EPHB6: variants seen among roughly 807,000 people sequenced by gnomAD.
EPHB6 encodes the protein ephrin type-B receptor 6.
EPHB6 carries 51 observed loss-of-function variants against 107.0 expected under a neutral mutation model. The ratio of observed to expected loss-of-function variants is 0.48; its 90% CI spans 0.38 to 0.60. EPHB6 has a LOEUF of 0.60. EPHB6 is among the 20% of genes least tolerant of loss of function. The pLI is 0.00. For missense variants in EPHB6, 1,141 were observed against 1,355.5 expected, an observed-to-expected ratio of 0.84 and a Z score of 2.48; for synonymous variants, 553 against 549.0, an observed-to-expected ratio of 1.01 and a Z score of -0.10.
At chr7:142,857,251 A>G (rs151184631) in intron 1 of EPHB6, among the ~76,000 whole-genome samples, 111 of 152,320 alleles carry the variant, frequency 7.3e-4, no homozygotes, top group African/African-American at 2.6e-3. Flanking sequence ...CCAGGGACAC[A>G]GGACTGTCCT....
At position 142,866,108 on chromosome 7, in the gene EPHB6, C is replaced by T. The variant is rs756678148; in HGVS notation, c.1254C>T (p.Ala418=). The T allele has an allele frequency of 6.2e-7, 1 of 1,612,800 alleles. No individual in the cohort carries two copies. Among genetic ancestry groups the T allele is most frequent in the Non-Finnish European group, 8.5e-7 (1 of 1,179,308 alleles). ...CKECEGRQEP[A]SGGGGTCHRC... ...AGTGTGAAGGCCGCCAGGAACCTGC[C>T]AGCGGTGGTGGGGGCACTTGTCACC... The change falls in exon 9 of 20, where the codon GCC becomes GCT. Residue 418 remains alanine, a synonymous_variant. Transcript: ENST00000652003. The surrounding 1 kb of genome is among the most constrained non-coding windows in gnomAD (Gnocchi z 5.2).
At position 142,865,555 on chromosome 7, in the gene EPHB6, C is replaced by G. The variant is rs1310822200; in HGVS notation, c.1030C>G (p.Pro344Ala). 2 of 1,613,710 alleles carry G rather than the reference C, an allele frequency of 1.2e-6. No individual in the cohort carries two copies. Among genetic ancestry groups the G allele is most frequent in the Non-Finnish European group, 1.7e-6 (2 of 1,180,008 alleles). ...CCCTGCCCGCAGTCACGCTCCCAAC[C>G]CAGCAGCCCCCGTTTGCCCCTGCCT... ...PCPARSHAPN[P>A]AAPVCPCLEG... The change falls in exon 8 of 20, where the codon CCA becomes GCA. Residue 344 changes from proline to alanine, a missense_variant. Physicochemically the swap from Pro to Ala is conservative, Grantham distance 27. Transcript: ENST00000652003.
At position 142,869,932 on chromosome 7, in the gene EPHB6, G is replaced by C. The variant is rs758599943; in HGVS notation, c.2576G>C (p.Gly859Ala). The C allele has an allele frequency of 2.5e-6, 4 of 1,614,052 alleles. No homozygotes were observed. In the African/African-American group the frequency reaches 5.3e-5, roughly 22 times the overall value. Residue 859 changes from glycine to alanine, a missense_variant, in exon 17 of 20, where the codon GGA becomes GCA. By Grantham distance (60) the Gly-to-Ala change is moderately conservative (BLOSUM62 0). Around this residue, in one of 3 missense-constraint regions of EPHB6, gnomAD observed 616 missense variants for 759.3 expected, o/e 0.81. Transcript: ENST00000652003. This position sits in a 1 kb window ranked among gnomAD's most constrained non-coding sequence, Gnocchi z 4.5. ...CTCATGTGGGAAGTGATGAGTTATG[G>C]AGAACGGCCTTACTGGGACATGAGT... The part of the protein sequence containing the change: ...GILMWEVMSY[G>A]ERPYWDMSEQ...
At position 142,864,624 on chromosome 7, in the gene EPHB6, G is replaced by C. The variant is rs767517856; in HGVS notation, c.824G>C (p.Gly275Ala). ...AHAEPEEDGV[G>A]GQAGGSPPRL... ...GCAGAGCCAGAGGAGGATGGAGTAG[G>C]GGGCCAGGCAGGAGGCAGCCCCCCC... The change falls in exon 7 of 20, where the codon GGG becomes GCG. Residue 275 changes from glycine (G) to alanine (A), a missense_variant. Around this residue, in one of 3 missense-constraint regions of EPHB6, gnomAD observed 304 missense variants for 295.7 expected, o/e 1.03. Transcript: ENST00000652003. 3.7e-6 allele frequency: 6 copies of C among 1,612,456 alleles called. No individual in the cohort carries two copies. The highest frequency in any genetic ancestry group is 5.1e-6 in the Non-Finnish European group (6 of 1,179,544).
chr7:142,870,247 C>T lies in EPHB6; in HGVS notation c.2644C>T (p.Pro882Ser), dbSNP rs1383336416. ...TGCAATAGAGCAGGAGTTCCGGCTG[C>T]CCCCGCCTCCAGGCTGTCCTCCTGG... is the stretch of plus-strand genomic sequence containing the variant. ...LNAIEQEFRL[P>S]PPPGCPPGLH... The change falls in exon 18 of 20, where the codon CCC becomes TCC. Residue 882 changes from proline to serine, a missense_variant. By Grantham distance (74) the Pro-to-Ser change is moderately conservative. Coordinates refer to ENST00000652003, the MANE Select transcript of EPHB6 (RefSeq NM_004445.6). 3.1e-6 allele frequency: 5 copies of T among 1,614,210 alleles called. No homozygotes were observed. The highest frequency in any genetic ancestry group is 4.5e-5 in the East Asian group (2 of 44,882).
At position 142,868,678 on chromosome 7, in the gene EPHB6, G is replaced by A. The variant is rs371627841; in HGVS notation, c.2225G>A (p.Ser742Asn). 96 of 1,613,856 alleles carry A rather than the reference G, an allele frequency of 5.9e-5. No individual in the cohort carries two copies. Among genetic ancestry groups the A allele is most frequent in the Non-Finnish European group, 7.8e-5 (92 of 1,180,036 alleles). Residue 742 changes from serine to asparagine, a missense_variant, in exon 15 of 20, where the codon AGC (serine) becomes AAC (asparagine). Physicochemically the swap from Ser to Asn is conservative, Grantham distance 46 (BLOSUM62 1). Coordinates refer to ENST00000652003, the MANE Select transcript of EPHB6 (RefSeq NM_004445.6). This position sits in a 1 kb window ranked among gnomAD's most constrained non-coding sequence, Gnocchi z 4.2. ...CGGCTGGAGGGCGTGGTCACCAAGA[G>A]CCGACCCCTCATGGTGCTGACGGAG... ...ILRLEGVVTK[S>N]RPLMVLTEFM... is the part of the protein sequence containing the mutation.
chr7:142,870,712 C>G, intron 19 of EPHB6, 27 bp downstream of exon 19: 1 of 1,614,108 alleles, frequency 6.2e-7, no homozygotes, highest in Non-Finnish European at 8.5e-7. Flanking sequence ...GGGGTGGGGG[C>G]GAATGCTCCA....
rs1181948765 is a variant in EPHB6 at position 142,866,313 on chromosome 7, G to A, written c.1459G>A (p.Glu487Lys). 1.9e-6 allele frequency: 3 copies of A among 1,613,792 alleles called. No individual in the cohort carries two copies. Among genetic ancestry groups the A allele is most frequent in the Admixed American group, 3.3e-5 (2 of 59,998 alleles). Residue 487 changes from glutamate (E) to lysine (K), a missense_variant, in exon 9 of 20, where the codon GAA becomes AAA. Transcript: ENST00000652003. This position sits in a 1 kb window ranked among gnomAD's most constrained non-coding sequence, Gnocchi z 5.2. ...AAAINVSTSH[E>K]VPSAVPVVHQ... ...AGCCATCAATGTCAGCACCAGCCAT[G>A]AAGGTGAGCTCTTTTCCTTGGCCTT...
intron 3 of EPHB6, among the ~76,000 whole-genome samples, chr7:142,862,430 C>T (rs1802884206): frequency 6.6e-6 from 1 of 152,228 alleles, no homozygotes; most frequent in South Asian, 2.1e-4. Flanking sequence ...ACATGCACCC[C>T]TTGGGGCACG....
rs1210933595 is a variant in EPHB6 at position 142,867,427 on chromosome 7, G to C, written c.1751-181G>C. On this transcript the variant is annotated intron_variant, in intron 11 of 19. Transcript: ENST00000652003. The surrounding 1 kb of genome is among the most constrained non-coding windows in gnomAD (Gnocchi z 5.3). Reference sequence around the variant, plus strand: ...GTGTGTGTGTTGTGTGTCCCTGTGTGTGGATGTGGGAGGGCTGTGGGCGTG... The same window carrying C: ...GTGTGTGTGTTGTGTGTCCCTGTGTCTGGATGTGGGAGGGCTGTGGGCGTG... The C allele has an allele frequency of 8.9e-6, 6 of 677,776 alleles. No homozygotes were observed. Among genetic ancestry groups the C allele is most frequent in the Non-Finnish European group, 1.6e-5 (6 of 372,916 alleles). 42.0% of individuals were successfully genotyped at this position (677,776 alleles called of 1,614,324 possible). A position where few individuals can be genotyped will look rare whatever the true frequency, so the allele number is the denominator to read the frequency against.
At chr7:142,863,534 G>T (rs543808709) in intron 5 of EPHB6, 97 bp from the exon 6 acceptor site, 9 of 1,451,794 alleles carry the variant, frequency 6.2e-6, no homozygotes, top group East Asian at 4.5e-5. Flanking sequence ...ACATGGGCCC[G>T]GGTGGGGCAT....
In EPHB6 at chr7:142,868,546, A is replaced by C; in HGVS notation, c.2093A>C (p.Gln698Pro). Reference protein sequence around the residue: ...GRLQPRGRREQTVAIQALWAG... With the variant: ...GRLQPRGRREPTVAIQALWAG... ...CTGCAGCCACGGGGACGGAGGGAGC[A>C]GACTGTGGCCATCCAGGCCCTGTGG... Residue 698 changes from glutamine to proline, a missense_variant, in exon 15 of 20, where the codon CAG becomes CCG. Around this residue, in one of 3 missense-constraint regions of EPHB6, gnomAD observed 616 missense variants for 759.3 expected, o/e 0.81. Transcript: ENST00000652003. This position sits in a 1 kb window ranked among gnomAD's most constrained non-coding sequence, Gnocchi z 4.2. The C allele has an allele frequency of 6.2e-7, 1 of 1,613,714 alleles. No individual in the cohort carries two copies. The highest frequency in any genetic ancestry group is 2.2e-5 in the East Asian group (1 of 44,870).
intron 8 of EPHB6, 32 bp downstream of exon 8, chr7:142,865,662 A>G: frequency 6.2e-7 from 1 of 1,609,178 alleles, no homozygotes; most frequent in African/African-American, 1.3e-5. Flanking sequence ...GCAATGGGAA[A>G]GAGACTTGGA....
chr7:142,855,839 T>TC lies in EPHB6; in HGVS notation c.-432+461dup, dbSNP rs984503136. On this transcript the variant is annotated intron_variant, in intron 1 of 19. Coordinates refer to ENST00000652003, the MANE Select transcript of EPHB6 (RefSeq NM_004445.6). The surrounding 1 kb of genome is among the most constrained non-coding windows in gnomAD (Gnocchi z 4.2). The stretch of plus-strand genomic sequence containing the variant: ...GTCCCCTGCTCCCCACAAGGCACTG[T>TC]CCCCCCCAGCTCCATGACCACAGTT... Among the ~76,000 whole-genome samples the TC allele has an allele frequency of 5.3e-5, 8 of 151,768 alleles. No homozygotes were observed. The highest frequency in any genetic ancestry group is 1.7e-4 in the African/African-American group (7 of 41,366).
At position 142,870,998 on chromosome 7, in the gene EPHB6, C is replaced by G; in HGVS notation, c.*94C>G. ...CTCCAACAGCCTCTGTGAGAGATGC[C>G]CCACACCAAACCCAACCCTCCCGAT... On this transcript the variant is annotated 3_prime_UTR_variant, in exon 20 of 20. Coordinates refer to ENST00000652003, the MANE Select transcript of EPHB6 (RefSeq NM_004445.6). 8.2e-7 allele frequency: 1 copy of G among 1,226,044 alleles called. No individual in the cohort carries two copies. Among genetic ancestry groups the G allele is most frequent in the South Asian group, 1.3e-5 (1 of 78,810 alleles). The allele number at this position is 1,226,044 out of a possible 1,614,324, so 75.9% of individuals were successfully genotyped here. A position where few individuals can be genotyped will look rare whatever the true frequency, so the allele number is the denominator to read the frequency against.
chr7:142,865,523 C>T lies in EPHB6; in HGVS notation c.998C>T (p.Ser333Leu), dbSNP rs35189999. 1,821 of 1,613,424 alleles carry T rather than the reference C, an allele frequency of 1.1e-3. 34 individuals carry two copies. The South Asian group carries it at 0.017, about 15-fold the overall frequency. Residue 333 changes from serine (S) to leucine (L), a missense_variant, in exon 8 of 20, where the codon TCA becomes TTA. Coordinates refer to ENST00000652003, the MANE Select transcript of EPHB6 (RefSeq NM_004445.6). ...GCTTCTGCTGGGAATGCTCCCTGCT[C>T]ACCATGCCCTGCCCGCAGTCACGCT... ...YKASAGNAPC[S>L]PCPARSHAPN...
chr7:142,855,474 G>C lies in EPHB6; in HGVS notation c.-432+89G>C, dbSNP rs1802558883. 1 of 152,482 alleles carries C rather than the reference G, an allele frequency of 6.6e-6. No individual in the cohort carries two copies. The highest frequency in any genetic ancestry group is 1.9e-4 in the East Asian group (1 of 5,164). 9.4% of individuals were successfully genotyped at this position (152,482 alleles called of 1,614,324 possible). Reference sequence around the variant, plus strand: ...GAATTAAGGTTTGCAAGAGTAGTGGGGCTCCTCAGCCCCTAGGTGGCTTCC... The same window carrying C: ...GAATTAAGGTTTGCAAGAGTAGTGGCGCTCCTCAGCCCCTAGGTGGCTTCC... On this transcript the variant is annotated intron_variant, in intron 1 of 19. Coordinates refer to ENST00000652003, the MANE Select transcript of EPHB6 (RefSeq NM_004445.6). The surrounding 1 kb of genome is among the most constrained non-coding windows in gnomAD (Gnocchi z 4.2).
chr7:142,863,463 AC>A, intron 5 of EPHB6, 136 bp downstream of exon 5: 1 of 1,164,934 alleles, frequency 8.6e-7, no homozygotes, highest in Non-Finnish European at 1.3e-6. Flanking sequence ...GATAATGAAG[AC>A]CCACATCAGA....
chr7:142,867,324 G>C lies in EPHB6; in HGVS notation c.1750+256G>C, dbSNP rs1794652956. ...GTGTGTGTGTGTTGTGTGTCCCTGG[G>C]TGTGGATGTGGGAGGGCTGTGGGCG... On this transcript the variant is annotated intron_variant, in intron 11 of 19. Transcript: ENST00000652003. The surrounding 1 kb of genome is among the most constrained non-coding windows in gnomAD (Gnocchi z 5.3). 4 of 632,336 alleles carry C rather than the reference G, an allele frequency of 6.3e-6. No homozygotes were observed. Among genetic ancestry groups the C allele is most frequent in the Non-Finnish European group, 8.4e-6 (3 of 355,646 alleles). 39.2% of individuals were successfully genotyped at this position (632,336 alleles called of 1,614,324 possible).
Sources: gnomAD v4.1 joint callset for allele counts (sites outside exome capture counted in the v4.1 genomes callset) on GRCh38, gnomAD v4.1.1 for gene constraint, gnomAD v4.1.1 regional missense constraint, Gnocchi (gnomAD v3.1) non-coding constraint, MANE v1.5 for transcripts, NCBI Gene and HGNC (gene_info 2026-07-23, HGNC 2026-07-21) for gene names.